The following VPS35L variants were observed in gnomAD, a reference collection of about 807,000 sequenced individuals.
VPS35L encodes VPS35 endosomal protein-sorting factor-like.
VPS35L carries 83 observed loss-of-function variants against 133.0 expected under a neutral mutation model. The ratio of observed to expected loss-of-function variants is 0.62; its 90% CI spans 0.52 to 0.75. VPS35L has a LOEUF of 0.75. Ranked by LOEUF, VPS35L falls within the 30% of genes least tolerant of loss-of-function variation. VPS35L has a pLI of 0.00. For missense variants in VPS35L, 1,083 were observed against 1,206.8 expected, an observed-to-expected ratio of 0.90 and a Z score of 1.52; for synonymous variants, 423 against 449.9, an observed-to-expected ratio of 0.94 and a Z score of 0.76.
intron 9 of VPS35L, among the ~76,000 whole-genome samples, chr16:19,604,776 G>C (rs1281012577): frequency 6.6e-6 from 1 of 152,142 alleles, no homozygotes; most frequent in Non-Finnish European, 1.5e-5. Flanking sequence ...TTTCATACTT[G>C]AGCCCTTTGC....
chr16:19,660,326 T>TC (rs1375185730), intron 26 of VPS35L, among the ~76,000 whole-genome samples: 2 of 147,336 alleles, frequency 1.4e-5, no homozygotes, highest in African/African-American at 5.1e-5. Context: ...TGACCCTGTC[T>TC]CAAAAAAAAA....
At chr16:19,612,239 TTTTTGTTTTG>T (rs144188667) in intron 12 of VPS35L, among the ~76,000 whole-genome samples, 2,921 of 149,140 alleles carry the variant, frequency 0.02, 98 homozygotes, top group African/African-American at 0.063. Flanking sequence ...ACCCGGCCTT[TTTTTGTTTTG>T]TTTTGTTTTG....
At chr16:19,577,430 A>T (rs1971572706) in intron 5 of VPS35L, among the ~76,000 whole-genome samples, 1 of 152,136 alleles carries the variant, frequency 6.6e-6, no homozygotes, top group Non-Finnish European at 1.5e-5. Context: ...CCCCACTACA[A>T]CCCAGACACC....
chr16:19,666,929 TTTC>T (rs1236691261), intron 26 of VPS35L, among the ~76,000 whole-genome samples: 2 of 110,006 alleles, frequency 1.8e-5, no homozygotes. Flanking sequence ...TCTTTCTTTC[TTTC>T]TTCCTTTCTT....
At chr16:19,671,794 T>C (rs953720373) in intron 27 of VPS35L, among the ~76,000 whole-genome samples, 2 of 152,044 alleles carry the variant, frequency 1.3e-5, no homozygotes, top group African/African-American at 4.8e-5. Flanking sequence ...ATAAAAATAG[T>C]ATTCCATGGA....
intron 26 of VPS35L, among the ~76,000 whole-genome samples, chr16:19,663,669 CTTTTTTTTTTT>C (rs59826351): frequency 4.7e-5 from 3 of 63,914 alleles, no homozygotes; most frequent in African/African-American, 2.1e-4. Context: ...GCAGTAATTT[CTTTTTTTTTTT>C]TTTTTTTTTT....
chr16:19,696,259 A>G (rs1484407831), intron 29 of VPS35L, among the ~76,000 whole-genome samples: 1 of 152,188 alleles, frequency 6.6e-6, no homozygotes, highest in Non-Finnish European at 1.5e-5. Flanking sequence ...TGGTACCCCA[A>G]GAGCATGAGG....
At chr16:19,559,552 G>C (rs1567378825) in intron 1 of VPS35L, among the ~76,000 whole-genome samples, 1 of 152,128 alleles carries the variant, frequency 6.6e-6, no homozygotes, top group Admixed American at 6.6e-5. Context: ...CCTTACCAAA[G>C]ACCCAGAGAT....
chr16:19,571,398 G>A (rs1268529009), intron 3 of VPS35L, among the ~76,000 whole-genome samples: 1 of 151,980 alleles, frequency 6.6e-6, no homozygotes, highest in East Asian at 1.9e-4. Context: ...GGATTTTTTG[G>A]TAGAGTTGGG....
chr16:19,575,409 T>C (rs1333094640), intron 5 of VPS35L, among the ~76,000 whole-genome samples: 3 of 151,336 alleles, frequency 2.0e-5, no homozygotes, highest in African/African-American at 7.3e-5. Context: ...CTATTAAAAA[T>C]ACAAAAATTT....
intron 12 of VPS35L, among the ~76,000 whole-genome samples, chr16:19,612,247 T>C (rs1419768649): frequency 6.9e-6 from 1 of 145,198 alleles, no homozygotes; most frequent in African/African-American, 2.8e-5. Context: ...TTTTTTTGTT[T>C]TGTTTTGTTT....
chr16:19,561,265 G>A (rs1468397179), intron 1 of VPS35L, among the ~76,000 whole-genome samples: 1 of 152,138 alleles, frequency 6.6e-6, no homozygotes, highest in Non-Finnish European at 1.5e-5. Context: ...CAGCTACTAG[G>A]GAGGCTGAGG....
At chr16:19,649,505 G>A (rs1443601516) in intron 24 of VPS35L, among the ~76,000 whole-genome samples, 1 of 152,182 alleles carries the variant, frequency 6.6e-6, no homozygotes, top group Non-Finnish European at 1.5e-5. Context: ...TGGCTATAAG[G>A]GATGTAAAGC....
intron 27 of VPS35L, among the ~76,000 whole-genome samples, chr16:19,671,500 G>T (rs1698921388): frequency 6.7e-6 from 1 of 148,816 alleles, no homozygotes; most frequent in Non-Finnish European, 1.5e-5. Flanking sequence ...CCAAGGGCCA[G>T]GCATGATGGC....
rs1976030535 is a variant in VPS35L at position 19,699,448 on chromosome 16, C to CG, written c.2647-50dup. On this transcript the variant is annotated intron_variant, in intron 29 of 30. Transcript: ENST00000417362. This position sits in a 1 kb window ranked among gnomAD's most constrained non-coding sequence, Gnocchi z 4.2. ...GTCAGCACTGTCCACAGCATCTCTG[C>CG]GGGGCACGGCCTGAGCCCCAGTGCA... is the stretch of plus-strand genomic sequence containing the variant. 6.2e-7 allele frequency: 1 copy of CG among 1,602,126 alleles called. No individual in the cohort carries two copies. The highest frequency in any genetic ancestry group is 8.5e-7 in the Non-Finnish European group (1 of 1,172,190).
intron 26 of VPS35L, among the ~76,000 whole-genome samples, chr16:19,652,915 T>C (rs937506851): frequency 3.9e-5 from 6 of 152,132 alleles, no homozygotes; most frequent in African/African-American, 1.4e-4. Context: ...ATGCTCAGGA[T>C]CATTTATTTG....
At chr16:19,698,959 G>A (rs1016552508) in intron 29 of VPS35L, among the ~76,000 whole-genome samples, 2 of 152,198 alleles carry the variant, frequency 1.3e-5, no homozygotes, top group Non-Finnish European at 2.9e-5. Context: ...TCTCACATCA[G>A]ATGATTGAGC....
chr16:19,691,828 C>T (rs994970631), intron 29 of VPS35L, among the ~76,000 whole-genome samples: 2 of 152,090 alleles, frequency 1.3e-5, no homozygotes, highest in Non-Finnish European at 2.9e-5. Context: ...TCTGTCCATC[C>T]CTCAGCTCCC....
intron 19 of VPS35L, among the ~76,000 whole-genome samples, chr16:19,634,311 C>T (rs1973553495): frequency 6.6e-6 from 1 of 151,520 alleles, no homozygotes; most frequent in Non-Finnish European, 1.5e-5. Context: ...GTGGTGCATG[C>T]CTATAGTCCC....
Sources: gnomAD v4.1 joint callset for allele counts (sites outside exome capture counted in the v4.1 genomes callset) on GRCh38, gnomAD v4.1.1 for gene constraint, Gnocchi (gnomAD v3.1) non-coding constraint, MANE v1.5 for transcripts, NCBI Gene and HGNC (gene_info 2026-07-23, HGNC 2026-07-21) for gene names.